The following RREB1 variants were observed in gnomAD, a reference collection of about 807,000 sequenced individuals.
The protein encoded by RREB1 is ras responsive element binding protein 1, also known as ras-responsive element-binding protein 1.
RREB1 carries 27 observed loss-of-function variants against 117.8 expected under a neutral mutation model. The observed-to-expected ratio is 0.23, with a 90% CI of 0.17 to 0.32. RREB1 has a LOEUF of 0.32. Among genes scored for constraint, RREB1 ranks in the 10% least tolerant of loss-of-function variants. RREB1 has a pLI of 1.00. For missense variants in RREB1, 2,577 were observed against 2,378.2 expected, an observed-to-expected ratio of 1.08 and a Z score of -1.74; for synonymous variants, 1,298 against 1,026.7, an observed-to-expected ratio of 1.26 and a Z score of -5.05.
intron 5 of RREB1, among the ~76,000 whole-genome samples, chr6:7,188,454 C>T (rs189707460): frequency 1.3e-5 from 2 of 152,108 alleles, no homozygotes; most frequent in East Asian, 1.9e-4. Flanking sequence ...GGTTTCAGCA[C>T]GTTTATATTA....
intron 10 of RREB1, among the ~76,000 whole-genome samples, chr6:7,238,410 T>A (rs1448773339): frequency 6.6e-6 from 1 of 152,148 alleles, no homozygotes; most frequent in Non-Finnish European, 1.5e-5. Context: ...CTAATTTTTG[T>A]ATTTTTAGTA....
intron 10 of RREB1, among the ~76,000 whole-genome samples, chr6:7,239,653 A>G (rs973607924): frequency 6.6e-6 from 1 of 152,208 alleles, no homozygotes; most frequent in African/African-American, 2.4e-5. Context: ...GGGCTGCCAA[A>G]ATGTCCTCTT....
chr6:7,196,206 G>GT lies in RREB1; in HGVS notation c.425+6894dup, dbSNP rs939597714. 4.1e-3 allele frequency among the ~76,000 whole-genome samples: 535 copies of GT among 129,730 alleles called. 4 individuals are homozygous for GT. Among genetic ancestry groups the GT allele is most frequent in the African/African-American group, 9.3e-3 (328 of 35,458 alleles). The allele number at this position is 129,730 out of a possible 152,430, so 85.1% of individuals were successfully genotyped here. On this transcript the variant is annotated intron_variant, in intron 6 of 12. Transcript: ENST00000379938. ...CCACCCCAAAGTTCGTTGTTTTTTG[G>GT]TTTTTTTTTTCGTTTTTTTTTTTTG...
chr6:7,196,615 A>G (rs1326131686), intron 6 of RREB1, among the ~76,000 whole-genome samples: 2 of 152,106 alleles, frequency 1.3e-5, no homozygotes, highest in African/African-American at 4.8e-5. Flanking sequence ...TGATCTTTTA[A>G]AAGTAATTAT....
At chr6:7,190,728 G>A (rs1347444171) in intron 6 of RREB1, among the ~76,000 whole-genome samples, 1 of 152,068 alleles carries the variant, frequency 6.6e-6, no homozygotes, top group Non-Finnish European at 1.5e-5. Flanking sequence ...TGGCCTGTTG[G>A]TATCCTTTAT....
chr6:7,146,592 A>AT (rs1185062386), intron 1 of RREB1, among the ~76,000 whole-genome samples: 1 of 152,120 alleles, frequency 6.6e-6, no homozygotes, highest in Non-Finnish European at 1.5e-5. Flanking sequence ...TGGGTCTGAT[A>AT]TAAGTTCTGC....
At chr6:7,172,972 T>C (rs1046466360) in intron 1 of RREB1, among the ~76,000 whole-genome samples, 1 of 152,128 alleles carries the variant, frequency 6.6e-6, no homozygotes, top group Non-Finnish European at 1.5e-5. Context: ...TTTGTCAAGC[T>C]CCCTCCTGGC....
intron 10 of RREB1, among the ~76,000 whole-genome samples, chr6:7,236,160 C>T (rs766956133): frequency 1.3e-5 from 2 of 152,126 alleles, no homozygotes; most frequent in African/African-American, 2.4e-5. Context: ...TGTTTTTAGG[C>T]CACAGGTGGA....
intron 1 of RREB1, among the ~76,000 whole-genome samples, chr6:7,163,837 T>A (rs1008066483): frequency 5.3e-5 from 8 of 152,250 alleles, no homozygotes; most frequent in African/African-American, 1.9e-4. Context: ...TCCTCGGACA[T>A]ATCCAGTGAG....
At position 7,231,046 on chromosome 6, in the gene RREB1, T is replaced by G. The variant is rs781691890; in HGVS notation, c.2947T>G (p.Leu983Val). The G allele has an allele frequency of 5.2e-5, 84 of 1,613,698 alleles. No homozygotes were observed. The Admixed American group carries it at 1.4e-3, about 26-fold the overall frequency. Residue 983 changes from leucine to valine, a missense_variant, in exon 10 of 13, where the codon TTG becomes GTG. By Grantham distance (32) the Leu-to-Val change is conservative. Transcript: ENST00000379938. ...ACCCGGCCCTTCTCTTCCTGTAACT[T>G]TGGGGCCCAGCGGAATCCTGGAAAG... ...PAPGPSLPVT[L>V]GPSGILESPM...
At chr6:7,166,476 T>C (rs1476237400) in intron 1 of RREB1, among the ~76,000 whole-genome samples, 1 of 152,232 alleles carries the variant, frequency 6.6e-6, no homozygotes, top group Non-Finnish European at 1.5e-5. Flanking sequence ...TTTTCTGTTG[T>C]ATGGCGGAGG....
rs767014238 is a variant in RREB1 at position 7,247,260 on chromosome 6, A to C, written c.4771+39A>C. The C allele has an allele frequency of 1.6e-5, 25 of 1,568,398 alleles. No homozygotes were observed. In the South Asian group the frequency reaches 2.1e-4, roughly 13 times the overall value. On this transcript the variant is annotated intron_variant, in intron 12 of 12. Coordinates refer to ENST00000379938, the MANE Select transcript of RREB1 (RefSeq NM_001003699.4). ...GCCAGGTCCCCGGCCCAACAAGAGG[A>C]GGCGAGCCGGGCACCTCTCCTAGGA... is the stretch of plus-strand genomic sequence containing the variant.
chr6:7,181,772 G>C (rs1764808868), intron 3 of RREB1, 98 bp from the exon 4 acceptor site: 17 of 843,182 alleles, frequency 2.0e-5, no homozygotes, highest in Non-Finnish European at 2.8e-5. Context: ...GGATGTTTTT[G>C]ACCTGAATTA....
At chr6:7,177,761 C>T (rs971297098) in intron 2 of RREB1, among the ~76,000 whole-genome samples, 1 of 152,002 alleles carries the variant, frequency 6.6e-6, no homozygotes, top group African/African-American at 2.4e-5. Flanking sequence ...CTTGCTCTGT[C>T]ACCCAGGCTG....
At chr6:7,206,655 G>C (rs1261094975) in intron 6 of RREB1, among the ~76,000 whole-genome samples, 1 of 152,142 alleles carries the variant, frequency 6.6e-6, no homozygotes, top group Non-Finnish European at 1.5e-5. Context: ...AGCTACTGCT[G>C]TGTGCTGTGG....
intron 1 of RREB1, among the ~76,000 whole-genome samples, chr6:7,139,936 T>TATAA (rs1179254710): frequency 6.6e-6 from 1 of 152,248 alleles, no homozygotes; most frequent in Non-Finnish European, 1.5e-5. Context: ...CTATCAGGTT[T>TATAA]AGTACAGTTC....
At chr6:7,141,787 G>C (rs759529170) in intron 1 of RREB1, among the ~76,000 whole-genome samples, 4 of 152,256 alleles carry the variant, frequency 2.6e-5, no homozygotes, top group Non-Finnish European at 4.4e-5. Context: ...TGGAAGGAGC[G>C]GGGCGTGTGT....
chr6:7,233,909 G>A (rs1477751377), intron 10 of RREB1, among the ~76,000 whole-genome samples: 1 of 152,176 alleles, frequency 6.6e-6, no homozygotes, highest in Non-Finnish European at 1.5e-5. Context: ...AGCCAGAGGG[G>A]AGTTGTGGCT....
rs1182517518 is a variant in RREB1, at chr6:7,115,703, A to G, written c.-285+7643A>G. On this transcript the variant is annotated intron_variant, in intron 1 of 12. Transcript: ENST00000379938. ...GCTTTTCTGTCTTCTCGTCTAACCTATAAACTGCCAACTCCCAACTCTATA... is the reference window on the plus strand; with the variant it reads ...GCTTTTCTGTCTTCTCGTCTAACCTGTAAACTGCCAACTCCCAACTCTATA... Among the ~76,000 whole-genome samples, 3 of 151,982 alleles carry G rather than the reference A, an allele frequency of 2.0e-5. No individual in the cohort carries two copies. In the East Asian group the frequency reaches 5.8e-4, roughly 29 times the overall value.
Sources: gnomAD v4.1 joint callset for allele counts (sites outside exome capture counted in the v4.1 genomes callset) on GRCh38, gnomAD v4.1.1 for gene constraint, MANE v1.5 for transcripts, NCBI Gene and HGNC (gene_info 2026-07-23, HGNC 2026-07-21) for gene names.